Variants in TMEM165 observed in about 807,000 individuals in gnomAD.
The protein encoded by TMEM165 is putative divalent cation/proton antiporter TMEM165.
A neutral mutation model predicts 30.0 loss-of-function variants in TMEM165; 19 were observed. The ratio of observed to expected loss-of-function variants is 0.63; its 90% confidence interval spans 0.44 to 0.93. The LOEUF (loss-of-function observed/expected upper bound fraction) is 0.93. TMEM165 is among the 40% of genes least tolerant of loss of function. The probability of loss-of-function intolerance (pLI) is 0.00; values close to 1 mark genes in which losing one functional copy is unlikely to be tolerated. For missense variants in TMEM165, 340 were observed against 417.0 expected, an observed-to-expected ratio of 0.82 and a Z score of 1.61; for synonymous variants, 168 against 162.9, an observed-to-expected ratio of 1.03 and a Z score of -0.24.
At chr4:55,420,129 ATTTATT>A (rs1356106425) in intron 4 of TMEM165, among the ~76,000 whole-genome samples, 1 of 40,396 alleles carries the variant, frequency 2.5e-5, no homozygotes, top group Middle Eastern at 0.013. Context: ...ATACATATAT[ATTTATT>A]TATTTATTTA....
downstream of TMEM165, among the ~76,000 whole-genome samples, chr4:55,426,551 C>T (rs1722208833): frequency 6.6e-6 from 1 of 152,008 alleles, no homozygotes; most frequent in Non-Finnish European, 1.5e-5. Flanking sequence ...CAGCTGCTTT[C>T]TCTCAGCCTT....
intron 3 of TMEM165, chr4:55,438,395 T>C (rs2109647931): frequency 1.9e-6 from 3 of 1,613,944 alleles, no homozygotes; most frequent in Non-Finnish European, 2.5e-6. Context: ...ACTGACAATG[T>C]CTGTGACTGT....
intron 3 of TMEM165, chr4:55,435,557 A>T (rs1169378612): frequency 6.2e-7 from 1 of 1,613,998 alleles, no homozygotes; most frequent in South Asian, 1.1e-5. Flanking sequence ...AGAGAGAATG[A>T]GTTGAGTTGA....
intron 3 of TMEM165, among the ~76,000 whole-genome samples, chr4:55,437,234 G>A (rs557442653): frequency 6.6e-6 from 1 of 152,220 alleles, no homozygotes; most frequent in South Asian, 2.1e-4. Flanking sequence ...GACAAATTAA[G>A]ACTATATTTA....
intron 3 of TMEM165, among the ~76,000 whole-genome samples, chr4:55,437,112 T>C (rs905040761): frequency 4.3e-4 from 65 of 152,312 alleles, no homozygotes; most frequent in African/African-American, 1.5e-3. Flanking sequence ...GTCTGCAGCA[T>C]AGGCTTAAGG....
chr4:55,429,594 T>C (rs1222747294), downstream of TMEM165: 1 of 152,232 alleles, frequency 6.6e-6, no homozygotes, highest in African/African-American at 2.4e-5. Context: ...TTTAAATGGA[T>C]TTTAATATGG....
chr4:55,448,786 A>G (rs549198909), intron 3 of TMEM165: 18 of 1,613,576 alleles, frequency 1.1e-5, no homozygotes, highest in Middle Eastern at 1.6e-4. Flanking sequence ...TACCTGGGAC[A>G]TGCCTTGTGG....
intron 4 of TMEM165, among the ~76,000 whole-genome samples, chr4:55,418,668 A>G (rs1489028099): frequency 2.0e-5 from 3 of 152,206 alleles, no homozygotes; most frequent in South Asian, 2.1e-4. Context: ...GCTGTTTACA[A>G]ATCTCTGTGT....
intron 4 of TMEM165, among the ~76,000 whole-genome samples, chr4:55,420,599 G>A (rs559382156): frequency 3.3e-5 from 5 of 152,222 alleles, no homozygotes; most frequent in East Asian, 1.9e-4. Context: ...CATACTAACT[G>A]CCCTGCGGGG....
chr4:55,450,064 A>T, intron 3 of TMEM165: 1 of 1,613,818 alleles, frequency 6.2e-7, no homozygotes, highest in African/African-American at 1.3e-5. Context: ...CTTTAAAGGA[A>T]GTCTGCTTTG....
intron 2 of TMEM165, among the ~76,000 whole-genome samples, chr4:55,414,062 A>G (rs555788645): frequency 1.3e-5 from 2 of 152,056 alleles, no homozygotes; most frequent in African/African-American, 4.8e-5. Context: ...AGGTCAGGAG[A>G]TCGAGGCCAT....
rs771888939 is a variant in TMEM165, at chr4:55,449,433, T to C, written c.409-2806T>C. The stretch of plus-strand genomic sequence containing the variant: ...TGATGACCTTCTTTGCACCATCTTC[T>C]CATGAGCTGGTAAATGCTGCCTGGG... On this transcript the variant is annotated intron_variant, in intron 3 of 3. Transcript: ENST00000608091. 6.8e-6 allele frequency: 11 copies of C among 1,613,912 alleles called. No homozygotes were observed. In the East Asian group the frequency reaches 2.0e-4, roughly 29 times the overall value.
chr4:55,419,073 G>GA (rs2109555276), intron 4 of TMEM165, among the ~76,000 whole-genome samples: 1 of 151,734 alleles, frequency 6.6e-6, no homozygotes, highest in African/African-American at 2.4e-5. Flanking sequence ...TATATAAAAA[G>GA]AACAAAAAAG....
rs772223487 is a variant in TMEM165 at position 55,417,254 on chromosome 4, C to T, written c.609+7C>T. On this transcript the variant is annotated splice_region_variant and intron_variant, in intron 3 of 5. Transcript: ENST00000381334. ...AAAGAAGAAAGATGAAGAAGTAAGC[C>T]ATGGCACTGTTGATCTGGACCAAAA... 9.9e-6 allele frequency: 16 copies of T among 1,609,392 alleles called. No homozygotes were observed. The highest frequency in any genetic ancestry group is 1.3e-5 in the Non-Finnish European group (15 of 1,178,302).
chr4:55,432,697 G>A (rs1352837798), intron 3 of TMEM165: 2 of 152,036 alleles, frequency 1.3e-5, no homozygotes. Context: ...CAAAGAGGCA[G>A]CTGGTGCTTA....
intron 1 of TMEM165, among the ~76,000 whole-genome samples, chr4:55,407,376 G>A (rs1721312383): frequency 6.6e-6 from 1 of 152,160 alleles, no homozygotes; most frequent in Admixed American, 6.5e-5. Context: ...CAGAGTTGAG[G>A]TGTGCGGTGA....
At chr4:55,429,670 T>TA (rs1171310421), downstream of TMEM165, 1 of 152,136 alleles carries the variant, frequency 6.6e-6, no homozygotes, top group Non-Finnish European at 1.5e-5. Context: ...ATGGGCAAAA[T>TA]AGAGGCATCA....
chr4:55,435,135 T>C, intron 3 of TMEM165: 1 of 430,578 alleles, frequency 2.3e-6, no homozygotes, highest in Admixed American at 3.5e-5. Context: ...AGCTTCTTAA[T>C]ATTTGGCAAT....
In TMEM165 at chr4:55,443,986, A is replaced by G. The variant is rs1723583849; in HGVS notation, c.409-8253A>G. The G allele has an allele frequency of 1.3e-5, 15 of 1,184,598 alleles. No homozygotes were observed. In the South Asian group the frequency reaches 1.6e-4, roughly 13 times the overall value. The allele number at this position is 1,184,598 out of a possible 1,614,324, so 73.4% of individuals were successfully genotyped here. A position where few individuals can be genotyped will look rare whatever the true frequency, so the allele number is the denominator to read the frequency against. On this transcript the variant is annotated intron_variant, in intron 3 of 3. Transcript: ENST00000608091. ...AGAAGGCAAAATCAAGCTACAAAGT[A>G]TGTTTAAAAAGCAAGTAACAAGGCT... is the stretch of plus-strand genomic sequence containing the variant.
Sources: allele counts gnomAD v4.1 joint callset (sites outside exome capture counted in the v4.1 genomes callset), GRCh38; gene constraint gnomAD v4.1.1; transcripts MANE v1.5; gene names NCBI Gene and HGNC (gene_info 2026-07-23, HGNC 2026-07-21).